USP15: variants seen among roughly 807,000 people sequenced by gnomAD.
The protein encoded by USP15 is ubiquitin carboxyl-terminal hydrolase 15.
A neutral mutation model predicts 127.1 loss-of-function variants in USP15; 18 were observed. That is an observed-to-expected ratio of 0.14 (90% confidence interval 0.10 to 0.21). The LOEUF (loss-of-function observed/expected upper bound fraction) is 0.21. USP15 is among the 10% of genes least tolerant of loss of function. USP15 has a pLI of 1.00. For synonymous variants in USP15, 364 were observed against 393.7 expected, an observed-to-expected ratio of 0.92 and a Z score of 0.89; for missense variants, 805 against 1,159.9, an observed-to-expected ratio of 0.69 and a Z score of 4.44.
At chr12:62,311,500 C>T (rs959564749) in intron 3 of USP15, among the ~76,000 whole-genome samples, 3 of 151,516 alleles carry the variant, frequency 2.0e-5, no homozygotes, top group East Asian at 1.9e-4. Flanking sequence ...TGAAAGTAGC[C>T]GTAAACATAA....
intron 7 of USP15, among the ~76,000 whole-genome samples, chr12:62,351,679 T>C (rs1470071443): frequency 6.6e-6 from 1 of 152,084 alleles, no homozygotes; most frequent in Non-Finnish European, 1.5e-5. Flanking sequence ...TGAATGATTC[T>C]ATCATATGAC....
At chr12:62,263,997 A>G (rs1358153318) in intron 1 of USP15, among the ~76,000 whole-genome samples, 1 of 152,136 alleles carries the variant, frequency 6.6e-6, no homozygotes, top group East Asian at 1.9e-4. Context: ...TCTTTGGAAA[A>G]AAAGTTTTTG....
intron 20 of USP15, among the ~76,000 whole-genome samples, chr12:62,398,866 T>A (rs2137656340): frequency 6.6e-6 from 1 of 152,348 alleles, no homozygotes; most frequent in South Asian, 2.1e-4. Flanking sequence ...TCAGGACTCC[T>A]ACTAAAGTGT....
chr12:62,287,273 A>G (rs2063815164), intron 1 of USP15, among the ~76,000 whole-genome samples: 1 of 152,188 alleles, frequency 6.6e-6, no homozygotes, highest in Non-Finnish European at 1.5e-5. Flanking sequence ...AGCATCACGC[A>G]ATATACCCAT....
In USP15 at chr12:62,416,102, C is replaced by T. The variant is rs2068148109; in HGVS notation, c.*11727C>T. On this transcript the variant is annotated 3_prime_UTR_variant, in exon 22 of 22. Transcript: ENST00000280377. ...ATCTAATTCCTCACTTGCCCTCAAA[C>T]ATGTCATACTACTTGACAATGGGGC... 1 of 152,220 alleles carries T rather than the reference C, an allele frequency of 6.6e-6. No individual in the cohort carries two copies. Among genetic ancestry groups the T allele is most frequent in the South Asian group, 2.1e-4 (1 of 4,838 alleles). 9.4% of individuals were successfully genotyped at this position (152,220 alleles called of 1,614,324 possible).
chr12:62,266,523 T>A (rs1046185436), intron 1 of USP15, among the ~76,000 whole-genome samples: 5 of 152,088 alleles, frequency 3.3e-5, no homozygotes, highest in Non-Finnish European at 5.9e-5. Context: ...AATTTTGCTA[T>A]CTTAGTCTTG....
At position 62,391,886 on chromosome 12, in the gene USP15, G is replaced by A. The variant is rs202062970; in HGVS notation, c.2304G>A (p.Glu768=). The change falls in exon 17 of 22, where the codon GAG becomes GAA. Residue 768 remains glutamate, a splice_region_variant and synonymous_variant. Transcript: ENST00000280377. Reference sequence around the variant, plus strand: ...GATATTTTGATGAAAATGCTGCTGAGGTAAGTCATCACTCACTCACTTATT... The same window carrying A: ...GATATTTTGATGAAAATGCTGCTGAAGTAAGTCATCACTCACTCACTTATT... ...KKRYFDENAA[E]DFEKHESVEY... 6.2e-7 allele frequency: 1 copy of A among 1,606,248 alleles called. No homozygotes were observed. The highest frequency in any genetic ancestry group is 2.2e-5 in the East Asian group (1 of 44,474).
chr12:62,291,337 T>A (rs1465465727), intron 1 of USP15, among the ~76,000 whole-genome samples: 1 of 152,208 alleles, frequency 6.6e-6, no homozygotes, highest in Non-Finnish European at 1.5e-5. Flanking sequence ...CTTGATCTAG[T>A]TTATTGTTGA....
intron 6 of USP15, among the ~76,000 whole-genome samples, chr12:62,339,555 T>C (rs1412818440): frequency 6.6e-6 from 1 of 152,208 alleles, no homozygotes; most frequent in African/African-American, 2.4e-5. Flanking sequence ...TATTTTGAGA[T>C]ATGTTTCATC....
At chr12:62,381,375 T>C (rs1289544117) in intron 8 of USP15, 115 bp from the exon 9 acceptor site, 8 of 868,652 alleles carry the variant, frequency 9.2e-6, no homozygotes, top group Non-Finnish European at 1.3e-5. Flanking sequence ...GAAACCATCA[T>C]TTAAATGTTC....
intron 14 of USP15, among the ~76,000 whole-genome samples, chr12:62,390,253 T>C (rs2067279715): frequency 6.6e-6 from 1 of 152,178 alleles, no homozygotes; most frequent in African/African-American, 2.4e-5. Context: ...TAGGAATTTA[T>C]GTTATAATAA....
intron 1 of USP15, among the ~76,000 whole-genome samples, chr12:62,266,881 A>T (rs891680798): frequency 1.3e-5 from 2 of 152,122 alleles, no homozygotes; most frequent in African/African-American, 4.8e-5. Flanking sequence ...TTTAAAGTAC[A>T]TGCTCTTATT....
intron 8 of USP15, among the ~76,000 whole-genome samples, chr12:62,379,844 G>C (rs2066936024): frequency 6.6e-6 from 1 of 152,000 alleles, no homozygotes; most frequent in South Asian, 2.1e-4. Flanking sequence ...AAATTGCCTG[G>C]ATCTCCCTTT....
intron 2 of USP15, 65 bp downstream of exon 2, chr12:62,294,371 G>T: frequency 6.5e-7 from 1 of 1,544,118 alleles, no homozygotes; most frequent in Non-Finnish European, 8.7e-7. Context: ...AATGTCAGTG[G>T]GTTGAATTTG....
At chr12:62,308,201 G>T in intron 3 of USP15, among the ~76,000 whole-genome samples, 1 of 151,992 alleles carries the variant, frequency 6.6e-6, no homozygotes, top group East Asian at 1.9e-4. Context: ...TGAACTCCAG[G>T]TTGCTAAAAT....
intron 7 of USP15, among the ~76,000 whole-genome samples, chr12:62,351,626 C>CTCTG (rs2065969845): frequency 6.6e-6 from 1 of 151,924 alleles, no homozygotes; most frequent in African/African-American, 2.4e-5. Context: ...ATCTCAAAAC[C>CTCTG]TCTGACTGCA....
chr12:62,371,183 T>C (rs1300022173), intron 8 of USP15, among the ~76,000 whole-genome samples: 1 of 152,214 alleles, frequency 6.6e-6, no homozygotes. Flanking sequence ...AAATTCAAAC[T>C]GGATTCTGTC....
chr12:62,345,811 G>A (rs918131916), intron 6 of USP15, among the ~76,000 whole-genome samples: 3 of 152,116 alleles, frequency 2.0e-5, no homozygotes, highest in Admixed American at 1.3e-4. Context: ...ATGGATGGTG[G>A]CAGGCAAAGA....
intron 2 of USP15, chr12:62,294,522 A>G (rs1380967427): frequency 2.4e-6 from 1 of 412,736 alleles, no homozygotes; most frequent in Non-Finnish European, 4.1e-6. Flanking sequence ...TGATGTAATA[A>G]GGTTTTATTG....
Sources: gnomAD v4.1 joint callset for allele counts (sites outside exome capture counted in the v4.1 genomes callset) on GRCh38, gnomAD v4.1.1 for gene constraint, MANE v1.5 for transcripts, NCBI Gene and HGNC (gene_info 2026-07-23, HGNC 2026-07-21) for gene names.